PRKCB: variants seen among roughly 807,000 people sequenced by gnomAD.
PRKCB encodes protein kinase C beta.
In PRKCB, 13 loss-of-function variants were observed where a neutral mutation model predicts 81.5. The ratio of observed to expected loss-of-function variants is 0.16; its 90% CI spans 0.10 to 0.25. The LOEUF is 0.25. Ranked by LOEUF, PRKCB falls within the 10% of genes least tolerant of loss-of-function variation. PRKCB has a pLI of 1.00. For synonymous variants in PRKCB, 335 were observed against 321.4 expected, an observed-to-expected ratio of 1.04 and a Z score of -0.45; for missense variants, 509 against 875.7, an observed-to-expected ratio of 0.58 and a Z score of 5.29.
chr16:24,126,165 T>C (rs1596559600), intron 9 of PRKCB, among the ~76,000 whole-genome samples: 1 of 152,124 alleles, frequency 6.6e-6, no homozygotes, highest in South Asian at 2.1e-4. Context: ...CTAGATTGGG[T>C]TGGGGAAGAT....
intron 2 of PRKCB, among the ~76,000 whole-genome samples, chr16:23,847,551 A>ATCCGT (rs1567288458): frequency 2.9e-5 from 2 of 68,308 alleles, no homozygotes; most frequent in Non-Finnish European, 6.3e-5. Context: ...CATCCATCCA[A>ATCCGT]CCATCCATCC....
rs1555498212 is a variant in PRKCB, at chr16:24,122,468, T to TTTTTTC, written c.919-1367_919-1366insTTTTTC. Among the ~76,000 whole-genome samples the TTTTTTC allele has an allele frequency of 7.6e-4, 106 of 138,974 alleles. 9 individuals are homozygous for TTTTTTC. Among genetic ancestry groups the TTTTTTC allele is most frequent in the African/African-American group, 2.7e-3 (81 of 30,330 alleles). 91.2% of individuals were successfully genotyped at this position (138,974 alleles called of 152,430 possible). ...ACGAGGCTTTTTTTTTTTTTTTTTT[T>TTTTTTC]AGTGAGAGAGAGATGGGATCTCACT... On this transcript the variant is annotated intron_variant, in intron 8 of 16. Transcript: ENST00000643927.
intron 2 of PRKCB, among the ~76,000 whole-genome samples, chr16:23,972,355 A>G (rs918857865): frequency 2.0e-5 from 3 of 152,198 alleles, no homozygotes; most frequent in African/African-American, 7.2e-5. Context: ...CTTGTATCAA[A>G]GTATGCCTCA....
rs1555501315 is a variant in PRKCB at position 24,185,448 on chromosome 16, CCT to C, written c.1615-11_1615-10del. 1 of 1,610,868 alleles carries C rather than the reference CCT, an allele frequency of 6.2e-7. No homozygotes were observed. The highest frequency in any genetic ancestry group is 1.3e-5 in the African/African-American group (1 of 74,838). On this transcript the variant is annotated splice_polypyrimidine_tract_variant and intron_variant, in intron 14 of 16. Transcript: ENST00000643927. ...AGGGATTCTTCTCCTCCCACCCTCC[CCT>C]GTCATACAGGCACCCTTTGAAGGGG... is the stretch of plus-strand genomic sequence containing the variant.
chr16:23,965,471 TAATA>T (rs2141795745), intron 2 of PRKCB, among the ~76,000 whole-genome samples: 1 of 152,312 alleles, frequency 6.6e-6, no homozygotes, highest in Non-Finnish European at 1.5e-5. Flanking sequence ...GCCTAGCACA[TAATA>T]GACATTCAGG....
chr16:23,839,803 T>G (rs1456188511), intron 2 of PRKCB, among the ~76,000 whole-genome samples: 1 of 152,190 alleles, frequency 6.6e-6, no homozygotes, highest in African/African-American at 2.4e-5. Context: ...CTCCAACTCA[T>G]TGCAATATCC....
chr16:23,992,528 A>G (rs926584890), intron 3 of PRKCB, among the ~76,000 whole-genome samples: 1 of 152,204 alleles, frequency 6.6e-6, no homozygotes. Context: ...ACACTTTTGG[A>G]AAACTAAGGC....
chr16:24,086,833 T>C (rs544449951), intron 5 of PRKCB, among the ~76,000 whole-genome samples: 1 of 152,332 alleles, frequency 6.6e-6, no homozygotes, highest in South Asian at 2.1e-4. Flanking sequence ...TATATTTACA[T>C]TCATATATGA....
At chr16:24,052,894 G>A (rs1965860231) in intron 5 of PRKCB, among the ~76,000 whole-genome samples, 1 of 152,108 alleles carries the variant, frequency 6.6e-6, no homozygotes, top group Admixed American at 6.6e-5. Context: ...CAGCCCAGTA[G>A]GTCTCAGCCT....
In PRKCB at chr16:23,911,880, G is replaced by A. The variant is rs185207224; in HGVS notation, c.205+74474G>A. Among the ~76,000 whole-genome samples, 22 of 139,786 alleles carry A rather than the reference G, an allele frequency of 1.6e-4. 1 individual carries two copies. Among genetic ancestry groups the A allele is most frequent in the Admixed American group, 1.5e-3 (20 of 12,938 alleles). 91.7% of individuals were successfully genotyped at this position (139,786 alleles called of 152,430 possible). On this transcript the variant is annotated intron_variant, in intron 2 of 16. Coordinates refer to ENST00000643927, the MANE Select transcript of PRKCB (RefSeq NM_002738.7). ...TGGAGTCTCACTGTTTGCCCGGGCT[G>A]GAGTGCAGTGGCAGGATCTCGGCTC...
At position 23,844,797 on chromosome 16, in the gene PRKCB, G is replaced by A. The variant is rs144036997; in HGVS notation, c.205+7391G>A. Among the ~76,000 whole-genome samples, 435 of 149,618 alleles carry A rather than the reference G, an allele frequency of 2.9e-3. 1 individual carries two copies. The highest frequency in any genetic ancestry group is 0.01 in the African/African-American group (414 of 40,536). On this transcript the variant is annotated intron_variant, in intron 2 of 16. Transcript: ENST00000643927. ...GCTGAGATTATAGGCGTGAGCCACCGCGCCCAGTCTCTTTTTTTTGTTTAG... is the reference window on the plus strand; with the variant it reads ...GCTGAGATTATAGGCGTGAGCCACCACGCCCAGTCTCTTTTTTTTGTTTAG...
At chr16:24,202,539 G>A (rs757937860) in intron 16 of PRKCB, among the ~76,000 whole-genome samples, 4 of 152,144 alleles carry the variant, frequency 2.6e-5, no homozygotes, top group Non-Finnish European at 5.9e-5. Context: ...AAGCTACAAA[G>A]TGAAATTAAG....
At chr16:24,207,952 A>AG (rs1420220115) in intron 16 of PRKCB, among the ~76,000 whole-genome samples, 1 of 152,058 alleles carries the variant, frequency 6.6e-6, no homozygotes, top group Non-Finnish European at 1.5e-5. Flanking sequence ...AGGGTGTCTC[A>AG]GGGGGTGGGG....
intron 2 of PRKCB, among the ~76,000 whole-genome samples, chr16:23,876,575 T>C (rs1408226339): frequency 3.0e-5 from 3 of 99,424 alleles, no homozygotes; most frequent in East Asian, 3.1e-4. Flanking sequence ...GGTTTCTTTT[T>C]CTTTTTGAAA....
At chr16:24,200,741 C>A (rs1231535461) in intron 16 of PRKCB, among the ~76,000 whole-genome samples, 1 of 152,064 alleles carries the variant, frequency 6.6e-6, no homozygotes, top group Non-Finnish European at 1.5e-5. Context: ...CGGAGCCAAA[C>A]TCATCCCTTT....
In PRKCB at chr16:24,168,127, G is replaced by GGCCAGCAT. The variant is rs1390472308; in HGVS notation, c.1240-4143_1240-4142insGCCAGCAT. Among the ~76,000 whole-genome samples, 902 of 152,298 alleles carry GGCCAGCAT rather than the reference G, an allele frequency of 5.9e-3. 7 individuals are homozygous for GGCCAGCAT. Among genetic ancestry groups the GGCCAGCAT allele is most frequent in the African/African-American group, 0.02 (844 of 41,568 alleles). ...GATTTTTTTAAATGGTGAATTAAAT[G>GGCCAGCAT]CTTGTTATATGGCCAGCATCATGTT... On this transcript the variant is annotated intron_variant, in intron 10 of 16. Transcript: ENST00000643927.
At chr16:24,207,802 G>A (rs1968070074) in intron 16 of PRKCB, among the ~76,000 whole-genome samples, 1 of 152,214 alleles carries the variant, frequency 6.6e-6, no homozygotes, top group East Asian at 1.9e-4. Context: ...CAGAAAGGAT[G>A]CACAGGAGAT....
rs923359325 is a variant in PRKCB, at chr16:23,928,744, G to A, written c.206-59764G>A. 2.0e-5 allele frequency among the ~76,000 whole-genome samples: 3 copies of A among 151,628 alleles called. No homozygotes were observed. In the East Asian group the frequency reaches 5.8e-4, roughly 29 times the overall value. On this transcript the variant is annotated intron_variant, in intron 2 of 16. Coordinates refer to ENST00000643927, the MANE Select transcript of PRKCB (RefSeq NM_002738.7). ...TTTGTTTTTTTTGTTTTGAGATGGG[G>A]CCTTGCTCTTGTTGCCCAGGCTGGA...
chr16:24,067,669 A>G (rs1966054052), intron 5 of PRKCB, among the ~76,000 whole-genome samples: 1 of 152,142 alleles, frequency 6.6e-6, no homozygotes, highest in East Asian at 1.9e-4. Context: ...ATTCCTTGCT[A>G]AATTAGAAAG....
Sources: gnomAD v4.1 joint callset for allele counts (sites outside exome capture counted in the v4.1 genomes callset) on GRCh38, gnomAD v4.1.1 for gene constraint, MANE v1.5 for transcripts, NCBI Gene and HGNC (gene_info 2026-07-23, HGNC 2026-07-21) for gene names.